Variants in AGAP6 observed in about 807,000 individuals in gnomAD.
The protein encoded by AGAP6 is ArfGAP with GTPase domain, ankyrin repeat and PH domain 6, also known as arf-GAP with GTPase, ANK repeat and PH domain-containing protein 6.
Under a neutral mutation model 63.9 loss-of-function variants are expected in AGAP6, and 29 were observed. That is an observed-to-expected ratio of 0.45 (90% CI 0.34 to 0.62). The LOEUF (loss-of-function observed/expected upper bound fraction) is 0.62, where lower values mean the gene tolerates loss of function less well. Ranked by LOEUF, AGAP6 falls within the 20% of genes least tolerant of loss-of-function variation. The pLI is 0.01. For missense variants in AGAP6, 493 were observed against 884.9 expected, an observed-to-expected ratio of 0.56 and a Z score of 5.62; for synonymous variants, 199 against 332.9, an observed-to-expected ratio of 0.60 and a Z score of 4.38.
At chr10:50,007,905 T>C in intron 6 of AGAP6, 120 bp from the exon 7 acceptor site, 2 of 1,580,054 alleles carry the variant, frequency 1.3e-6, no homozygotes, top group Non-Finnish European at 1.7e-6. Context: ...AATAGAAGAA[T>C]TCATAAAAAC....
chr10:50,001,913 T>C lies in AGAP6; in HGVS notation c.397-83T>C. 4 of 1,397,158 alleles carry C rather than the reference T, an allele frequency of 2.9e-6. No homozygotes were observed. In the South Asian group the frequency reaches 3.7e-5, roughly 13 times the overall value. 86.5% of individuals were successfully genotyped at this position (1,397,158 alleles called of 1,614,324 possible). ...GGCAGTTCATGGAGTGTAAGACATA[T>C]CTTAGTGCTTTGTCATTTGACATTT... On this transcript the variant is annotated intron_variant, in intron 4 of 7. Coordinates refer to ENST00000412531, the MANE Select transcript of AGAP6 (RefSeq NM_001077665.3).
At chr10:50,002,858 A>AT (rs1841764242) in intron 5 of AGAP6, among the ~76,000 whole-genome samples, 1 of 82,818 alleles carries the variant, frequency 1.2e-5, no homozygotes, top group Admixed American at 1.5e-4. Context: ...CACTCATAAT[A>AT]ATGTCACTTT....
chr10:49,990,687 C>T (rs1841236212), intron 2 of AGAP6, among the ~76,000 whole-genome samples: 1 of 152,104 alleles, frequency 6.6e-6, no homozygotes. Context: ...TTATTGGTTT[C>T]ATTTAAATGC....
intron 6 of AGAP6, among the ~76,000 whole-genome samples, chr10:50,005,852 G>A (rs1173464123): frequency 2.5e-4 from 38 of 149,410 alleles, no homozygotes; most frequent in African/African-American, 9.4e-4. Context: ...CCTGGGAGGT[G>A]GAGGTTGCAG....
At chr10:50,005,617 C>A in intron 6 of AGAP6, among the ~76,000 whole-genome samples, 1 of 149,368 alleles carries the variant, frequency 6.7e-6, no homozygotes, top group Non-Finnish European at 1.5e-5. Context: ...TCTAAACAAA[C>A]AAACAAAAAA....
At chr10:50,007,796 C>T (rs1312967153) in intron 6 of AGAP6, among the ~76,000 whole-genome samples, 4 of 151,922 alleles carry the variant, frequency 2.6e-5, no homozygotes, top group Admixed American at 6.6e-5. Context: ...TCAATACTCA[C>T]GGGCATTTCT....
chr10:49,991,871 T>C (rs1554861097), intron 3 of AGAP6, 127 bp downstream of exon 3: 18 of 1,415,956 alleles, frequency 1.3e-5, no homozygotes, highest in Admixed American at 4.4e-5. Flanking sequence ...TCACTTGTCT[T>C]ATTTTAATAT....
In AGAP6 at chr10:49,988,454, A is replaced by C. The variant is rs1165700042; in HGVS notation, c.-262A>C. ...GTGTCTCTCAGCGCTTGTTGGTTTCACAACCTATTAAATAAGCCGGCTGGT... is the reference window on the plus strand; with the variant it reads ...GTGTCTCTCAGCGCTTGTTGGTTTCCCAACCTATTAAATAAGCCGGCTGGT... On this transcript the variant is annotated 5_prime_UTR_variant, in exon 1 of 8. Coordinates refer to ENST00000412531, the MANE Select transcript of AGAP6 (RefSeq NM_001077665.3). 1 of 1,341,734 alleles carries C rather than the reference A, an allele frequency of 7.5e-7. No individual in the cohort carries two copies. Among genetic ancestry groups the C allele is most frequent in the African/African-American group, 1.5e-5 (1 of 67,122 alleles). The allele number at this position is 1,341,734 out of a possible 1,614,324, so 83.1% of individuals were successfully genotyped here.
intron 4 of AGAP6, among the ~76,000 whole-genome samples, chr10:49,995,639 T>G (rs1398882618): frequency 6.6e-6 from 1 of 152,184 alleles, no homozygotes; most frequent in African/African-American, 2.4e-5. Context: ...GCTAACTCCT[T>G]AAAGTCTTTT....
At chr10:49,997,938 GT>G (rs201786132) in intron 4 of AGAP6, among the ~76,000 whole-genome samples, 27,539 of 135,606 alleles carry the variant, frequency 0.2, 4,098 homozygotes, top group Non-Finnish European at 0.28. Flanking sequence ...TTCCATCCAG[GT>G]TGCTGGGAAT....
rs1267802584 is a variant in AGAP6, at chr10:50,001,934, C to T, written c.397-62C>T. The T allele has an allele frequency of 9.4e-6, 15 of 1,593,184 alleles. No individual in the cohort carries two copies. In the African/African-American group the frequency reaches 2.0e-4, roughly 21 times the overall value. On this transcript the variant is annotated intron_variant, in intron 4 of 7. Coordinates refer to ENST00000412531, the MANE Select transcript of AGAP6 (RefSeq NM_001077665.3). ...CATATCTTAGTGCTTTGTCATTTGA[C>T]ATTTTAACTGAGAAAATAATACACT...
intron 4 of AGAP6, among the ~76,000 whole-genome samples, chr10:49,996,639 A>G (rs1841498717): frequency 6.6e-6 from 1 of 150,770 alleles, no homozygotes; most frequent in African/African-American, 2.4e-5. Context: ...AGAAATTCTC[A>G]GGTTTGATAT....
At chr10:49,993,953 TG>T (rs1331108213) in intron 3 of AGAP6, among the ~76,000 whole-genome samples, 2 of 152,320 alleles carry the variant, frequency 1.3e-5, no homozygotes, top group Non-Finnish European at 2.9e-5. Context: ...ACAGGGATTC[TG>T]TTGCATCTAG....
intron 6 of AGAP6, among the ~76,000 whole-genome samples, chr10:50,005,185 G>A (rs1256252097): frequency 4.6e-5 from 7 of 152,260 alleles, no homozygotes; most frequent in African/African-American, 1.7e-4. Context: ...ATTTTTCATT[G>A]AAAAATAACT....
chr10:50,001,881 A>G, intron 4 of AGAP6, 115 bp from the exon 5 acceptor site: 2 of 1,020,286 alleles, frequency 2.0e-6, no homozygotes, highest in Non-Finnish European at 2.8e-6. Flanking sequence ...ACATGATACC[A>G]CACTCAGGCA....
intron 6 of AGAP6, among the ~76,000 whole-genome samples, chr10:50,005,107 C>G (rs1554863639): frequency 6.6e-6 from 1 of 152,144 alleles, no homozygotes; most frequent in East Asian, 1.9e-4. Context: ...AACTAGATGT[C>G]AGTAGTAACC....
intron 4 of AGAP6, among the ~76,000 whole-genome samples, chr10:49,994,999 A>T (rs1841432429): frequency 6.6e-6 from 1 of 150,924 alleles, no homozygotes; most frequent in Non-Finnish European, 1.5e-5. Flanking sequence ...TGAAATATTT[A>T]ATCTTATTTT....
rs1261048320 is a variant in AGAP6, at chr10:50,002,069, A to G, written c.470A>G (p.Gln157Arg). 1.9e-6 allele frequency: 3 copies of G among 1,610,816 alleles called. No individual in the cohort carries two copies. Among genetic ancestry groups the G allele is most frequent in the African/African-American group, 2.7e-5 (2 of 74,626 alleles). ...TIFLDDSTAI[Q>R]HYLTMTIISV... ...TTCCTTGATGACAGCACAGCCATCC[A>G]GCATTATCTTACAATGACAATAATA... is the stretch of plus-strand genomic sequence containing the variant. The change falls in exon 5 of 8, where the codon CAG (glutamine) becomes CGG (arginine). Residue 157 changes from glutamine (Q) to arginine (R), a missense_variant. Around this residue, in one of 7 missense-constraint regions of AGAP6, gnomAD observed 342 missense variants for 533.4 expected, o/e 0.64. Coordinates refer to ENST00000412531, the MANE Select transcript of AGAP6 (RefSeq NM_001077665.3).
chr10:50,006,775 G>A (rs1841926627), intron 6 of AGAP6, among the ~76,000 whole-genome samples: 1 of 151,152 alleles, frequency 6.6e-6, no homozygotes, highest in East Asian at 1.9e-4. Context: ...AAAAAAAAAA[G>A]CGCTTCTGGT....
Sources: allele counts gnomAD v4.1 joint callset (sites outside exome capture counted in the v4.1 genomes callset), GRCh38; gene constraint gnomAD v4.1.1; regional missense constraint gnomAD v4.1.1; transcripts MANE v1.5; gene names NCBI Gene and HGNC (gene_info 2026-07-23, HGNC 2026-07-21).